The following CDH12 variants were observed in gnomAD, a reference collection of about 807,000 sequenced individuals.
CDH12 encodes the protein cadherin 12.
CDH12 carries 41 observed loss-of-function variants against 74.1 expected under a neutral mutation model. The observed-to-expected ratio is 0.55, with a 90% CI of 0.43 to 0.72. The LOEUF (loss-of-function observed/expected upper bound fraction) is 0.72, where lower values mean the gene tolerates loss of function less well. CDH12 is among the 30% of genes least tolerant of loss of function. The pLI is 0.00. For missense variants in CDH12, 945 were observed against 977.2 expected, an observed-to-expected ratio of 0.97 and a Z score of 0.44; for synonymous variants, 399 against 355.0, an observed-to-expected ratio of 1.12 and a Z score of -1.39.
chr5:22,665,640 C>T (rs767307170), intron 1 of CDH12, among the ~76,000 whole-genome samples: 9 of 152,148 alleles, frequency 5.9e-5, no homozygotes, highest in African/African-American at 2.2e-4. Context: ...ACATCTCCCT[C>T]GGCCTCCATC....
chr5:22,442,255 C>T (rs935514521), intron 2 of CDH12, among the ~76,000 whole-genome samples: 2 of 151,992 alleles, frequency 1.3e-5, no homozygotes, highest in Admixed American at 6.6e-5. Flanking sequence ...AAAGAGGAAA[C>T]GTAAGAGATC....
At chr5:21,972,846 G>T (rs2150120692) in intron 6 of CDH12, among the ~76,000 whole-genome samples, 1 of 151,804 alleles carries the variant, frequency 6.6e-6, no homozygotes, top group East Asian at 1.9e-4. Flanking sequence ...AAAACACTTG[G>T]ACTAATTCAT....
At chr5:22,299,849 A>T (rs569528586) in intron 3 of CDH12, among the ~76,000 whole-genome samples, 68 of 152,262 alleles carry the variant, frequency 4.5e-4, no homozygotes, top group African/African-American at 1.6e-3. Flanking sequence ...GTGATAAAAG[A>T]GAGTATAGTA....
chr5:22,589,725 C>A (rs1206429036), intron 1 of CDH12, among the ~76,000 whole-genome samples: 1 of 152,178 alleles, frequency 6.6e-6, no homozygotes, highest in African/African-American at 2.4e-5. Context: ...CTCTTCCTGG[C>A]ATTTCAGTGT....
chr5:22,547,255 T>C (rs1448853839), intron 1 of CDH12, among the ~76,000 whole-genome samples: 2 of 152,208 alleles, frequency 1.3e-5, no homozygotes, highest in Non-Finnish European at 2.9e-5. Context: ...ACTGGATCAC[T>C]TTATACAGAC....
intron 2 of CDH12, among the ~76,000 whole-genome samples, chr5:22,427,430 T>G (rs1193454664): frequency 6.6e-6 from 1 of 152,064 alleles, no homozygotes; most frequent in East Asian, 1.9e-4. Flanking sequence ...CCTCCCAAAT[T>G]GCTGGGATTA....
chr5:22,645,202 T>G (rs942083685), intron 1 of CDH12, among the ~76,000 whole-genome samples: 5 of 152,054 alleles, frequency 3.3e-5, no homozygotes, highest in African/African-American at 1.2e-4. Context: ...GAAAACCTTT[T>G]GGAAAAGATT....
chr5:22,287,638 G>A (rs910046122), intron 3 of CDH12, among the ~76,000 whole-genome samples: 1 of 151,246 alleles, frequency 6.6e-6, no homozygotes, highest in Non-Finnish European at 1.5e-5. Flanking sequence ...CAGGAGAATG[G>A]CGTGAACCTG....
intron 9 of CDH12, among the ~76,000 whole-genome samples, chr5:21,812,899 A>G (rs114774650): frequency 0.013 from 1,972 of 152,264 alleles, 44 homozygotes; most frequent in African/African-American, 0.045. Context: ...GATGAAAGCA[A>G]ATTACAACAC....
In CDH12 at chr5:22,360,190, T is replaced by G. The variant is rs1281140971; in HGVS notation, c.-333+45067A>C. Reference sequence around the variant, plus strand: ...AAAATTGATAGACCACTAGCAAGACTAATAAAGAAGAAAAAAGAGAAGAAT... The same window carrying G: ...AAAATTGATAGACCACTAGCAAGACGAATAAAGAAGAAAAAAGAGAAGAAT... On this transcript the variant is annotated intron_variant, in intron 3 of 14. Transcript: ENST00000382254. Among the ~76,000 whole-genome samples the G allele has an allele frequency of 4.6e-5, 7 of 152,046 alleles. No homozygotes were observed. In the East Asian group the frequency reaches 1.4e-3, roughly 30 times the overall value.
At chr5:21,788,893 T>C (rs947735181) in intron 10 of CDH12, among the ~76,000 whole-genome samples, 4 of 152,044 alleles carry the variant, frequency 2.6e-5, no homozygotes, top group Non-Finnish European at 5.9e-5. Flanking sequence ...AATATTGATA[T>C]AATGGTATTT....
chr5:22,608,946 A>G (rs1288786647), intron 1 of CDH12, among the ~76,000 whole-genome samples: 1 of 152,096 alleles, frequency 6.6e-6, no homozygotes, highest in Non-Finnish European at 1.5e-5. Context: ...TGGTGTGAGG[A>G]CAGACTAATA....
chr5:22,338,019 A>G (rs1739667971), intron 3 of CDH12, among the ~76,000 whole-genome samples: 1 of 152,158 alleles, frequency 6.6e-6, no homozygotes, highest in East Asian at 1.9e-4. Flanking sequence ...GGAGCTTGTC[A>G]AAAAAATAAA....
intron 3 of CDH12, among the ~76,000 whole-genome samples, chr5:22,214,655 A>G (rs1204747147): frequency 1.3e-5 from 2 of 152,098 alleles, no homozygotes; most frequent in Non-Finnish European, 2.9e-5. Context: ...TATTTTTAAA[A>G]CTTATTAAAA....
chr5:21,751,969 T>C lies in CDH12; in HGVS notation c.2153A>G (p.His718Arg), dbSNP rs376076061. The change falls in exon 15 of 15, where the codon CAT becomes CGT. Residue 718 changes from histidine to arginine, a missense_variant. His to Arg is a conservative substitution (Grantham distance 29, BLOSUM62 0). This residue lies in a region of CDH12 where 791 missense variants were observed against 792.8 expected (regional missense o/e 1.00). Transcript: ENST00000382254. ...CACATCATTTTCCTGTAGCCTTTGATGAATGAAATCCCTTATGTCTGTGTT... is the reference window on the plus strand; with the variant it reads ...CACATCATTTTCCTGTAGCCTTTGACGAATGAAATCCCTTATGTCTGTGTT... ...EDNTDIRDFI[H>R]QRLQENDVDP... 26 of 1,614,146 alleles carry C rather than the reference T, an allele frequency of 1.6e-5. No individual in the cohort carries two copies. The highest frequency in any genetic ancestry group is 4.5e-5 in the East Asian group (2 of 44,870).
intron 1 of CDH12, among the ~76,000 whole-genome samples, chr5:22,592,678 C>G (rs542033966): frequency 2.5e-4 from 37 of 147,540 alleles, no homozygotes; most frequent in African/African-American, 5.6e-4. Context: ...TCTCCCCCTC[C>G]ACCCCCCACC....
intron 1 of CDH12, among the ~76,000 whole-genome samples, chr5:22,595,582 T>C (rs1334925346): frequency 6.6e-6 from 1 of 152,240 alleles, no homozygotes; most frequent in African/African-American, 2.4e-5. Context: ...GAAAGTAAAC[T>C]CATTAAGGGA....
chr5:22,078,166 A>G (rs1219124957), intron 5 of CDH12, among the ~76,000 whole-genome samples: 1 of 152,152 alleles, frequency 6.6e-6, no homozygotes, highest in Non-Finnish European at 1.5e-5. Flanking sequence ...ACATTTTCAT[A>G]CTTTAACTTC....
intron 1 of CDH12, among the ~76,000 whole-genome samples, chr5:22,607,924 T>A (rs918154286): frequency 6.6e-6 from 1 of 152,186 alleles, no homozygotes; most frequent in Admixed American, 6.5e-5. Flanking sequence ...TCAGTGGATG[T>A]ATGGGAACAC....
Sources: gnomAD v4.1 joint callset for allele counts (sites outside exome capture counted in the v4.1 genomes callset) on GRCh38, gnomAD v4.1.1 for gene constraint, gnomAD v4.1.1 regional missense constraint, MANE v1.5 for transcripts, NCBI Gene and HGNC (gene_info 2026-07-23, HGNC 2026-07-21) for gene names.